MICU1: variants seen among roughly 807,000 people sequenced by gnomAD.
MICU1 encodes the protein calcium uptake protein 1, mitochondrial.
A neutral mutation model predicts 56.8 loss-of-function variants in MICU1; 45 were observed. The ratio of observed to expected loss-of-function variants is 0.79; its 90% CI spans 0.62 to 1.02. The LOEUF is 1.02. Among genes scored for constraint, MICU1 ranks in the 50% least tolerant of loss-of-function variants. The pLI, the probability that MICU1 is intolerant of heterozygous loss-of-function variation, is 0.00. For missense variants in MICU1, 504 were observed against 587.1 expected (o/e 0.86, Z 1.46); for synonymous variants, 186 against 195.1 (o/e 0.95, Z 0.39).
intron 8 of MICU1, among the ~76,000 whole-genome samples, chr10:72,431,688 C>G (rs1448420260): frequency 6.6e-6 from 1 of 152,172 alleles, no homozygotes; most frequent in African/African-American, 2.4e-5. Context: ...TTTGCATCAC[C>G]ACCAGCACTT....
At chr10:72,560,356 T>C (rs1840265972) in intron 3 of MICU1, 1 of 152,162 alleles carries the variant, frequency 6.6e-6, no homozygotes, top group Non-Finnish European at 1.5e-5. Context: ...AACATGCTAT[T>C]TTCAGTAGAA....
At chr10:72,368,457 A>G in intron 11 of MICU1, 102 bp from the exon 12 acceptor site, 1 of 1,279,472 alleles carries the variant, frequency 7.8e-7, no homozygotes. Flanking sequence ...AAGCCCAGAC[A>G]TTCTCCACAG....
At chr10:72,457,520 G>T (rs116279113) in intron 8 of MICU1, among the ~76,000 whole-genome samples, 2 of 151,784 alleles carry the variant, frequency 1.3e-5, no homozygotes, top group African/African-American at 4.8e-5. Flanking sequence ...TCACACCAGG[G>T]CTTACTTCCT....
intron 9 of MICU1, among the ~76,000 whole-genome samples, chr10:72,413,222 A>C (rs7904470): frequency 7.5e-6 from 1 of 132,698 alleles, no homozygotes; most frequent in Admixed American, 6.9e-5. Flanking sequence ...AAAAACAAAA[A>C]CAAAACAAAA....
At chr10:72,463,354 C>T (rs896511362) in intron 8 of MICU1, among the ~76,000 whole-genome samples, 2 of 152,134 alleles carry the variant, frequency 1.3e-5, no homozygotes, top group Non-Finnish European at 2.9e-5. Flanking sequence ...TGAGCCATGG[C>T]GCCCGGCCGC....
At chr10:72,489,982 G>C (rs1866599982) in intron 6 of MICU1, among the ~76,000 whole-genome samples, 2 of 152,198 alleles carry the variant, frequency 1.3e-5, no homozygotes, top group Admixed American at 1.3e-4. Context: ...GATTGGTTCA[G>C]ACAGTTTTGG....
intron 8 of MICU1, among the ~76,000 whole-genome samples, chr10:72,458,881 T>C (rs1480647638): frequency 1.4e-4 from 3 of 21,840 alleles, no homozygotes; most frequent in East Asian, 1.0e-3. Context: ...CAGCTACCAT[T>C]TTTTTTTTTT....
chr10:72,418,915 A>G (rs1864069915), intron 9 of MICU1, among the ~76,000 whole-genome samples: 1 of 152,216 alleles, frequency 6.6e-6, no homozygotes, highest in South Asian at 2.1e-4. Context: ...ATCAATCTTA[A>G]TCTCGTTGCT....
intron 3 of MICU1, among the ~76,000 whole-genome samples, chr10:72,558,974 T>C (rs993981233): frequency 1.2e-4 from 19 of 152,320 alleles, no homozygotes; most frequent in Admixed American, 6.5e-4. Context: ...GCTTTCATCA[T>C]GCCATTGCAT....
chr10:72,452,285 G>A (rs1425610039), intron 8 of MICU1, among the ~76,000 whole-genome samples: 3 of 152,296 alleles, frequency 2.0e-5, no homozygotes, highest in Admixed American at 6.5e-5. Context: ...GAGGATACAC[G>A]CTATCTATGG....
intron 1 of MICU1, among the ~76,000 whole-genome samples, chr10:72,611,094 GGC>G (rs1189747771): frequency 2.0e-4 from 30 of 149,984 alleles, no homozygotes; most frequent in Middle Eastern, 7.4e-3. Context: ...CACGAGGTCA[GGC>G]GATGGAGACT....
intron 6 of MICU1, among the ~76,000 whole-genome samples, chr10:72,479,418 A>G (rs549680463): frequency 3.3e-5 from 5 of 152,362 alleles, no homozygotes; most frequent in African/African-American, 1.2e-4. Context: ...GATCATCTCA[A>G]GGAGATAACC....
At chr10:72,622,104 T>A (rs1050728583) in intron 1 of MICU1, among the ~76,000 whole-genome samples, 11 of 152,024 alleles carry the variant, frequency 7.2e-5, no homozygotes, top group Non-Finnish European at 1.5e-5. Context: ...TTTGTTTTTT[T>A]AGTAGAAACG....
chr10:72,533,907 A>C, intron 4 of MICU1, 118 bp from the exon 5 acceptor site: 3 of 666,426 alleles, frequency 4.5e-6, no homozygotes, highest in Non-Finnish European at 7.4e-6. Flanking sequence ...ACATTTATTC[A>C]AAGGCCACAG....
intron 8 of MICU1, among the ~76,000 whole-genome samples, chr10:72,462,352 G>GT (rs1040593321): frequency 6.6e-6 from 1 of 151,738 alleles, no homozygotes; most frequent in African/African-American, 2.4e-5. Flanking sequence ...CAAGTAGCTG[G>GT]TTAAGGGCAT....
At chr10:72,558,183 C>T (rs545328379) in intron 3 of MICU1, among the ~76,000 whole-genome samples, 1 of 152,308 alleles carries the variant, frequency 6.6e-6, no homozygotes, top group Admixed American at 6.5e-5. Context: ...CTGAAAAGTA[C>T]AGAAACGACA....
chr10:72,457,737 G>C (rs1865516588), intron 8 of MICU1, among the ~76,000 whole-genome samples: 1 of 151,664 alleles, frequency 6.6e-6, no homozygotes, highest in African/African-American at 2.4e-5. Context: ...CAGAGAGAGA[G>C]ACAGAGAGAG....
At chr10:72,510,880 C>T (rs913417148) in intron 5 of MICU1, among the ~76,000 whole-genome samples, 17 of 152,192 alleles carry the variant, frequency 1.1e-4, no homozygotes, top group African/African-American at 3.4e-4. Context: ...AATCCACCCA[C>T]CTTGGCCTCC....
chr10:72,373,299 C>G (rs1862408718), intron 11 of MICU1, among the ~76,000 whole-genome samples: 1 of 151,926 alleles, frequency 6.6e-6, no homozygotes, highest in African/African-American at 2.4e-5. Flanking sequence ...CACACCTCAG[C>G]TTTCCAGTAG....
Sources: gnomAD v4.1 joint callset for allele counts (sites outside exome capture counted in the v4.1 genomes callset) on GRCh38, gnomAD v4.1.1 for gene constraint, MANE v1.5 for transcripts, NCBI Gene and HGNC (gene_info 2026-07-23, HGNC 2026-07-21) for gene names.